The following CDH18 variants were observed in gnomAD, a reference collection of about 807,000 sequenced individuals.
CDH18 encodes cadherin-18.
CDH18 carries 31 observed loss-of-function variants against 67.9 expected under a neutral mutation model. The ratio of observed to expected loss-of-function variants is 0.46; its 90% CI spans 0.34 to 0.62. The LOEUF (loss-of-function observed/expected upper bound fraction) is 0.62, where lower values mean the gene tolerates loss of function less well. CDH18 is among the 20% of genes least tolerant of loss of function. The probability of loss-of-function intolerance (pLI) is 0.01; values close to 1 mark genes in which losing one functional copy is unlikely to be tolerated. For missense variants in CDH18, 890 were observed against 975.5 expected, an observed-to-expected ratio of 0.91 and a Z score of 1.17; for synonymous variants, 362 against 347.2, an observed-to-expected ratio of 1.04 and a Z score of -0.48.
intron 8 of CDH18, among the ~76,000 whole-genome samples, chr5:19,563,753 G>A (rs1405809631): frequency 6.6e-6 from 1 of 152,134 alleles, no homozygotes; most frequent in Non-Finnish European, 1.5e-5. Context: ...CCTTCATAAG[G>A]ACTAAAAATC....
intron 1 of CDH18, among the ~76,000 whole-genome samples, chr5:20,436,902 C>T (rs985634741): frequency 2.0e-5 from 3 of 150,960 alleles, no homozygotes; most frequent in Non-Finnish European, 4.4e-5. Context: ...CTATGAGGAA[C>T]ATTTAGATTT....
chr5:20,078,863 G>T (rs751955420), intron 2 of CDH18, among the ~76,000 whole-genome samples: 7 of 152,072 alleles, frequency 4.6e-5, no homozygotes, highest in Admixed American at 1.3e-4. Context: ...TGATCCACCC[G>T]CCTCGGCCTC....
chr5:20,293,884 AATAGG>A (rs765844304), intron 1 of CDH18, among the ~76,000 whole-genome samples: 2 of 152,192 alleles, frequency 1.3e-5, no homozygotes, highest in Non-Finnish European at 2.9e-5. Flanking sequence ...TAGAGGTGTA[AATAGG>A]ATAGAAGTGT....
chr5:20,334,259 G>A (rs528936432), intron 1 of CDH18, among the ~76,000 whole-genome samples: 16 of 148,366 alleles, frequency 1.1e-4, no homozygotes, highest in Admixed American at 4.0e-4. Context: ...TCAGCCTCCC[G>A]AGTAGCTGGG....
chr5:20,195,185 A>C (rs1212074960), intron 2 of CDH18, among the ~76,000 whole-genome samples: 1 of 152,096 alleles, frequency 6.6e-6, no homozygotes, highest in Non-Finnish European at 1.5e-5. Context: ...TTTGTATTTC[A>C]TAAACAGGCT....
At chr5:19,697,249 G>A (rs1048505003) in intron 5 of CDH18, among the ~76,000 whole-genome samples, 1 of 152,150 alleles carries the variant, frequency 6.6e-6, no homozygotes, top group Non-Finnish European at 1.5e-5. Flanking sequence ...GTGATTCTCT[G>A]ACTTTTCAAA....
At chr5:19,844,908 A>G (rs923571179) in intron 2 of CDH18, among the ~76,000 whole-genome samples, 2 of 152,192 alleles carry the variant, frequency 1.3e-5, no homozygotes, top group Admixed American at 1.3e-4. Context: ...TGGCTATCCA[A>G]CACAGTTCAA....
At chr5:20,090,530 G>A (rs1288378353) in intron 2 of CDH18, among the ~76,000 whole-genome samples, 2 of 151,908 alleles carry the variant, frequency 1.3e-5, no homozygotes, top group Non-Finnish European at 2.9e-5. Flanking sequence ...GCAAGACTCT[G>A]TCTCAAAAAC....
intron 2 of CDH18, among the ~76,000 whole-genome samples, chr5:19,867,972 C>A (rs1269810619): frequency 4.6e-5 from 7 of 152,098 alleles, no homozygotes; most frequent in African/African-American, 1.7e-4. Context: ...TTATAAGGGG[C>A]CTTGCCCACT....
At chr5:20,023,061 A>G (rs1738566412) in intron 2 of CDH18, among the ~76,000 whole-genome samples, 2 of 152,188 alleles carry the variant, frequency 1.3e-5, no homozygotes, top group Admixed American at 1.3e-4. Context: ...AAACTTTAAA[A>G]CACACCAAAC....
chr5:19,586,068 T>C (rs1442301534), intron 7 of CDH18, among the ~76,000 whole-genome samples: 2 of 152,140 alleles, frequency 1.3e-5, no homozygotes, highest in South Asian at 2.1e-4. Context: ...AAAAGGACAA[T>C]TATGGGTATA....
In CDH18 at chr5:19,882,185, C is replaced by G. The variant is rs771424139; in HGVS notation, c.-256-42943G>C. Among the ~76,000 whole-genome samples the G allele has an allele frequency of 6.8e-4, 104 of 152,010 alleles. 1 individual carries two copies. Among genetic ancestry groups the G allele is most frequent in the Admixed American group, 2.6e-4 (4 of 15,240 alleles). ...TTATTCATTTTTGGGAAGAAAATTGCCAACTCAAAAGCAATGTTCACAATT... is the reference window on the plus strand; with the variant it reads ...TTATTCATTTTTGGGAAGAAAATTGGCAACTCAAAAGCAATGTTCACAATT... On this transcript the variant is annotated intron_variant, in intron 2 of 12. Coordinates refer to ENST00000382275, the MANE Select transcript of CDH18 (RefSeq NM_004934.5).
chr5:19,587,871 C>G (rs1318181357), intron 7 of CDH18, among the ~76,000 whole-genome samples: 1 of 151,986 alleles, frequency 6.6e-6, no homozygotes, highest in African/African-American at 2.4e-5. Flanking sequence ...CTATTGATTG[C>G]TTTGGGCAGT....
rs927422494 is a variant in CDH18 at position 20,160,629 on chromosome 5, A to C, written c.-518+94815T>G. 6.6e-5 allele frequency among the ~76,000 whole-genome samples: 10 copies of C among 152,306 alleles called. No homozygotes were observed. In the South Asian group the frequency reaches 1.0e-3, roughly 16 times the overall value. ...GATTTTATCTTAGGAAATACTGTAG[A>C]TCCATGGACTGTATGATAGAAATAG... On this transcript the variant is annotated intron_variant, in intron 2 of 14. Coordinates refer to the CDH18 transcript ENST00000507958.
At chr5:19,764,744 T>C (rs1199613040) in intron 3 of CDH18, among the ~76,000 whole-genome samples, 1 of 152,026 alleles carries the variant, frequency 6.6e-6, no homozygotes, top group Non-Finnish European at 1.5e-5. Context: ...TGGGTTTTAT[T>C]TGAGCCAGTT....
chr5:19,777,234 C>T (rs371833410), intron 3 of CDH18, among the ~76,000 whole-genome samples: 230 of 152,262 alleles, frequency 1.5e-3, no homozygotes, highest in African/African-American at 5.1e-3. Context: ...GAGCCGAGAT[C>T]GCATCATTCC....
intron 1 of CDH18, among the ~76,000 whole-genome samples, chr5:20,508,818 A>G (rs1485234555): frequency 2.6e-5 from 4 of 152,080 alleles, no homozygotes; most frequent in African/African-American, 9.7e-5. Context: ...TGTAAACTAT[A>G]TTATATGAAT....
Position 20,223,073 on chromosome 5 carries a change from A to C in CDH18, c.-518+32371T>G, listed in dbSNP as rs191648482. ...AGGCTACATGTTGCATAATATTAGA[A>C]ATATTTATCATGTCATTTCTGGAAA... On this transcript the variant is annotated intron_variant, in intron 2 of 14. Coordinates refer to the CDH18 transcript ENST00000507958. 9.9e-5 allele frequency among the ~76,000 whole-genome samples: 15 copies of C among 152,154 alleles called. No individual in the cohort carries two copies. In the Middle Eastern group the frequency reaches 0.01, roughly 104 times the overall value.
At chr5:20,266,850 C>T (rs1459683934) in intron 1 of CDH18, among the ~76,000 whole-genome samples, 1 of 151,924 alleles carries the variant, frequency 6.6e-6, no homozygotes, top group Non-Finnish European at 1.5e-5. Context: ...GTGTCTTATA[C>T]AATTTAGTAA....
Sources: gnomAD v4.1 joint callset for allele counts (sites outside exome capture counted in the v4.1 genomes callset) on GRCh38, gnomAD v4.1.1 for gene constraint, MANE v1.5 for transcripts, NCBI Gene and HGNC (gene_info 2026-07-23, HGNC 2026-07-21) for gene names.